ABHD2: variants seen among roughly 807,000 people sequenced by gnomAD.
The protein encoded by ABHD2 is monoacylglycerol lipase ABHD2.
In ABHD2, 20 loss-of-function variants were observed where a neutral mutation model predicts 48.1. The ratio of observed to expected loss-of-function variants is 0.42; its 90% CI spans 0.29 to 0.60. ABHD2 has a LOEUF of 0.60. ABHD2 is among the 20% of genes least tolerant of loss of function. ABHD2 has a pLI of 0.24. For synonymous variants in ABHD2, 209 were observed against 214.2 expected, an observed-to-expected ratio of 0.98 and a Z score of 0.21; for missense variants, 405 against 550.9, an observed-to-expected ratio of 0.74 and a Z score of 2.65.
intron 1 of ABHD2, among the ~76,000 whole-genome samples, chr15:89,105,949 T>C (rs2049777719): frequency 6.6e-6 from 1 of 151,854 alleles, no homozygotes; most frequent in South Asian, 2.1e-4. Flanking sequence ...CAATCCACCC[T>C]CCTTGGCCTC....
chr15:89,132,810 C>T (rs1416909708), intron 3 of ABHD2, among the ~76,000 whole-genome samples: 3 of 152,192 alleles, frequency 2.0e-5, no homozygotes, highest in Non-Finnish European at 2.9e-5. Flanking sequence ...GGTTTGGTGG[C>T]GCTCTCTCAC....
chr15:89,187,266 T>G (rs1481646880), intron 7 of ABHD2, among the ~76,000 whole-genome samples: 1 of 152,230 alleles, frequency 6.6e-6, no homozygotes, highest in Non-Finnish European at 1.5e-5. Flanking sequence ...GTCCTTTGAG[T>G]GTACTCTAAG....
At chr15:89,109,765 TCTC>T (rs1462835683) in intron 1 of ABHD2, among the ~76,000 whole-genome samples, 3 of 152,186 alleles carry the variant, frequency 2.0e-5, no homozygotes, top group African/African-American at 7.2e-5. Context: ...AAATTACTTA[TCTC>T]CTCATTTAAT....
the ABHD2 span, among the ~76,000 whole-genome samples, chr15:89,043,445 A>AAGG: frequency 2.3e-5 from 3 of 127,742 alleles, no homozygotes; most frequent in Non-Finnish European, 3.4e-5. Context: ...GAAGAAGAAG[A>AAGG]AGGAGGAGGA....
Position 89,186,571 on chromosome 15 carries a change from C to G in ABHD2, c.815+1055C>G, listed in dbSNP as rs1020691297. On this transcript the variant is annotated intron_variant, in intron 7 of 10. Transcript: ENST00000352732. The surrounding 1 kb of genome is among the most constrained non-coding windows in gnomAD (Gnocchi z 4.3). Reference sequence around the variant, plus strand: ...CCATCCTTTAAAGTCCATCTCAATTCTCCTGCTTCTGTGAAGCCAACTCAT... The same window carrying G: ...CCATCCTTTAAAGTCCATCTCAATTGTCCTGCTTCTGTGAAGCCAACTCAT... 6.6e-6 allele frequency among the ~76,000 whole-genome samples: 1 copy of G among 152,078 alleles called. No homozygotes were observed. Among genetic ancestry groups the G allele is most frequent in the Admixed American group, 6.6e-5 (1 of 15,266 alleles).
At chr15:89,121,899 A>T (rs548585070) in intron 3 of ABHD2, among the ~76,000 whole-genome samples, 2 of 152,090 alleles carry the variant, frequency 1.3e-5, no homozygotes, top group Non-Finnish European at 2.9e-5. Context: ...TGCAATCGTA[A>T]CTCACCGTAA....
intron 1 of ABHD2, among the ~76,000 whole-genome samples, chr15:89,110,950 CCT>C (rs1355420786): frequency 6.6e-6 from 1 of 152,082 alleles, no homozygotes; most frequent in Non-Finnish European, 1.5e-5. Flanking sequence ...CCAGATAAGC[CCT>C]GTTTCCACAG....
chr15:89,155,299 G>A lies in ABHD2; in HGVS notation c.371-68G>A. ...TCCCCTTGTTTTCTAGACCAGTGAA[G>A]TGTAATTATGTCCATTTATCATGTC... On this transcript the variant is annotated intron_variant, in intron 4 of 10. Coordinates refer to ENST00000352732, the MANE Select transcript of ABHD2 (RefSeq NM_152924.5). This position sits in a 1 kb window ranked among gnomAD's most constrained non-coding sequence, Gnocchi z 4.9. The A allele has an allele frequency of 1.3e-6, 2 of 1,515,040 alleles. No homozygotes were observed. The highest frequency in any genetic ancestry group is 2.4e-5 in the South Asian group (2 of 83,072). 93.8% of individuals were successfully genotyped at this position (1,515,040 alleles called of 1,614,324 possible).
chr15:89,074,926 G>A, the ABHD2 span, among the ~76,000 whole-genome samples: 1 of 152,050 alleles, frequency 6.6e-6, no homozygotes, highest in African/African-American at 2.4e-5. Context: ...GGCCTACAGC[G>A]GTACCAATTC....
intron 10 of ABHD2, among the ~76,000 whole-genome samples, chr15:89,194,505 C>A (rs1301561590): frequency 6.6e-6 from 1 of 152,162 alleles, no homozygotes; most frequent in Non-Finnish European, 1.5e-5. Context: ...GGCCACTTAG[C>A]ATGTGGCGTT....
intron 10 of ABHD2, among the ~76,000 whole-genome samples, chr15:89,194,186 C>T (rs990607061): frequency 3.9e-5 from 6 of 152,086 alleles, no homozygotes; most frequent in African/African-American, 1.4e-4. Context: ...GCCTCTCCAT[C>T]TGCTTGAAAC....
chr15:89,129,744 T>G (rs2050190228), intron 3 of ABHD2, among the ~76,000 whole-genome samples: 1 of 151,920 alleles, frequency 6.6e-6, no homozygotes, highest in African/African-American at 2.4e-5. Flanking sequence ...TTTCCTCATT[T>G]GTAAGATGGG....
Position 89,106,791 on chromosome 15 carries a change from A to G in ABHD2, c.-106-6934A>G, listed in dbSNP as rs568057932. On this transcript the variant is annotated intron_variant, in intron 1 of 10. Transcript: ENST00000352732. This position sits in a 1 kb window ranked among gnomAD's most constrained non-coding sequence, Gnocchi z 4.2. ...TTTTATCTGGTGTAGCAAGTTCAAT[A>G]GTGACCCTCCAAAATTTATGTCCCA... Among the ~76,000 whole-genome samples, 1 of 152,180 alleles carries G rather than the reference A, an allele frequency of 6.6e-6. No individual in the cohort carries two copies. Among genetic ancestry groups the G allele is most frequent in the Non-Finnish European group, 1.5e-5 (1 of 68,038 alleles).
At position 89,134,662 on chromosome 15, in the gene ABHD2, ATCT is replaced by A. The variant is rs541926506; in HGVS notation, c.195-17013_195-17011del. On this transcript the variant is annotated intron_variant, in intron 3 of 10. Coordinates refer to ENST00000352732, the MANE Select transcript of ABHD2 (RefSeq NM_152924.5). ...TGCTTGTTTAATTCCACATATAAAA[ATCT>A]TATTATTTTTATTGTGTATCTCTTA... Among the ~76,000 whole-genome samples, 18 of 152,242 alleles carry A rather than the reference ATCT, an allele frequency of 1.2e-4. No individual in the cohort carries two copies. The East Asian group carries it at 3.5e-3, about 29-fold the overall frequency.
the ABHD2 span, among the ~76,000 whole-genome samples, chr15:89,075,010 C>T: frequency 6.6e-6 from 1 of 152,152 alleles, no homozygotes; most frequent in Non-Finnish European, 1.5e-5. This position sits in a 1 kb window ranked among gnomAD's most constrained non-coding sequence, Gnocchi z 4.1. Context: ...AGTACAGAGA[C>T]ACCCAAAGTT....
At chr15:89,084,392 T>C (rs1016948926), upstream of ABHD2, among the ~76,000 whole-genome samples, 2 of 152,050 alleles carry the variant, frequency 1.3e-5, no homozygotes, top group African/African-American at 4.8e-5. This position sits in a 1 kb window ranked among gnomAD's most constrained non-coding sequence, Gnocchi z 4.4. Flanking sequence ...CGCCGCCTCC[T>C]AGGTTCAAGC....
intron 1 of ABHD2, among the ~76,000 whole-genome samples, chr15:89,098,493 G>C (rs1025142846): frequency 6.6e-6 from 1 of 152,176 alleles, no homozygotes; most frequent in Non-Finnish European, 1.5e-5. Context: ...GCTTTCCACA[G>C]TGCTAACTGA....
At chr15:89,048,352 T>C in the ABHD2 span, among the ~76,000 whole-genome samples, 76 of 152,250 alleles carry the variant, frequency 5.0e-4, no homozygotes, top group African/African-American at 1.6e-3. Context: ...ATTTCAACTT[T>C]GGTGAATCTG....
At chr15:89,103,013 T>G (rs987961290) in intron 1 of ABHD2, among the ~76,000 whole-genome samples, 1 of 152,218 alleles carries the variant, frequency 6.6e-6, no homozygotes, top group South Asian at 2.1e-4. Context: ...AGAGGAACAC[T>G]TGAGGGCATG....
Sources: allele counts gnomAD v4.1 joint callset (sites outside exome capture counted in the v4.1 genomes callset), GRCh38; gene constraint gnomAD v4.1.1; non-coding constraint Gnocchi (gnomAD v3.1); transcripts MANE v1.5; gene names NCBI Gene and HGNC (gene_info 2026-07-23, HGNC 2026-07-21).